Variants in FILIP1 observed in about 807,000 individuals in gnomAD.
FILIP1 encodes the protein filamin-A-interacting protein 1.
In FILIP1, 61 loss-of-function variants were observed where a neutral mutation model predicts 102.1. The observed-to-expected ratio is 0.60, with a 90% CI of 0.49 to 0.74. The LOEUF (loss-of-function observed/expected upper bound fraction) is 0.74, where lower values mean the gene tolerates loss of function less well. Ranked by LOEUF, FILIP1 falls within the 30% of genes least tolerant of loss-of-function variation. The probability of loss-of-function intolerance (pLI) is 0.00; values close to 1 mark genes in which losing one functional copy is unlikely to be tolerated. For synonymous variants in FILIP1, 491 were observed against 526.9 expected (o/e 0.93, Z 0.93); for missense variants, 1,314 against 1,441.2 (o/e 0.91, Z 1.43).
chr6:75,380,949 C>G (rs1373860452), intron 2 of FILIP1, among the ~76,000 whole-genome samples: 1 of 151,972 alleles, frequency 6.6e-6, no homozygotes, highest in Non-Finnish European at 1.5e-5. Context: ...TTAAATTTTC[C>G]TAAATCATTG....
chr6:75,477,433 A>G (rs1417553501), intron 1 of FILIP1, among the ~76,000 whole-genome samples: 1 of 152,208 alleles, frequency 6.6e-6, no homozygotes, highest in Non-Finnish European at 1.5e-5. Context: ...CAAATGTCTC[A>G]CTATAAAAAA....
intron 4 of FILIP1, among the ~76,000 whole-genome samples, chr6:75,316,342 CTTAT>C (rs1377994197): frequency 6.6e-6 from 1 of 152,154 alleles, no homozygotes; most frequent in Non-Finnish European, 1.5e-5. Context: ...ATGACATGCA[CTTAT>C]TTAAGTATAA....
At chr6:75,367,401 C>G (rs915992605) in intron 2 of FILIP1, 1 of 152,096 alleles carries the variant, frequency 6.6e-6, no homozygotes, top group African/African-American at 2.4e-5. Flanking sequence ...TTTGGGAGGC[C>G]GAGGCAGGTG....
chr6:75,362,854 G>C lies in FILIP1; in HGVS notation c.340C>G (p.His114Asp), dbSNP rs1453471133. Residue 114 changes from histidine (H) to aspartate (D), a missense_variant, in exon 3 of 6, where the codon CAT becomes GAT. Around this residue, in one of 3 missense-constraint regions of FILIP1, gnomAD observed 494 missense variants for 511.2 expected, o/e 0.97. Transcript: ENST00000237172. ...EKTKPEVLEA[H>D]YGSAEPEKVL... ...TTCTCTGGCTCCGCAGACCCGTAATGAGCCTCCAGAACCTCAGGCTTGGTT... is the reference window on the plus strand; with the variant it reads ...TTCTCTGGCTCCGCAGACCCGTAATCAGCCTCCAGAACCTCAGGCTTGGTT... 5 of 1,613,882 alleles carry C rather than the reference G, an allele frequency of 3.1e-6. No homozygotes were observed. The African/African-American group carries it at 6.7e-5, about 22-fold the overall frequency.
intron 1 of FILIP1, among the ~76,000 whole-genome samples, chr6:75,461,209 T>G (rs1426809426): frequency 6.6e-6 from 1 of 152,218 alleles, no homozygotes; most frequent in Non-Finnish European, 1.5e-5. Context: ...TCATCTTGCA[T>G]AATCATCAGA....
chr6:75,395,794 G>A (rs113565698), intron 2 of FILIP1, among the ~76,000 whole-genome samples: 20 of 152,204 alleles, frequency 1.3e-4, no homozygotes, highest in African/African-American at 4.6e-4. Flanking sequence ...AAAAGTTTCC[G>A]AACACCTGGA....
chr6:75,476,699 C>T (rs556108303), intron 1 of FILIP1, among the ~76,000 whole-genome samples: 3 of 152,158 alleles, frequency 2.0e-5, no homozygotes, highest in Non-Finnish European at 4.4e-5. Flanking sequence ...AATGAAGATT[C>T]TGGCCTTTTC....
chr6:75,442,747 A>AGAGGGAGAGGGAGAGGGG (rs1192327127), intron 1 of FILIP1, among the ~76,000 whole-genome samples: 4 of 147,272 alleles, frequency 2.7e-5, no homozygotes, highest in African/African-American at 9.9e-5. Flanking sequence ...GACCGTGGGG[A>AGAGGGAGAGGGAGAGGGG]GAGGGAGAGG....
chr6:75,413,612 C>G (rs1309250232), intron 2 of FILIP1, among the ~76,000 whole-genome samples: 2 of 152,004 alleles, frequency 1.3e-5, no homozygotes, highest in African/African-American at 4.8e-5. Flanking sequence ...CCAATTACCT[C>G]ACTAAAGCTA....
At position 75,414,891 on chromosome 6, in the gene FILIP1, C is replaced by G; in HGVS notation, c.82G>C (p.Gly28Arg). Residue 28 changes from glycine (G) to arginine (R), a missense_variant, in exon 2 of 6, where the codon GGT (glycine) becomes CGT (arginine). Coordinates refer to ENST00000237172, the MANE Select transcript of FILIP1 (RefSeq NM_015687.5). Reference protein sequence around the residue: ...CPKPSIIGNAGEKSLSEDAKK... With the variant: ...CPKPSIIGNAREKSLSEDAKK... ...GCATCTTCTGAGAGACTTTTTTCAC[C>G]AGCATTGCCGATGATGGAGGGCTTG... 6.2e-7 allele frequency: 1 copy of G among 1,613,810 alleles called. No homozygotes were observed. Among genetic ancestry groups the G allele is most frequent in the Non-Finnish European group, 8.5e-7 (1 of 1,179,856 alleles).
intron 4 of FILIP1, among the ~76,000 whole-genome samples, chr6:75,349,682 T>C (rs1774720082): frequency 1.3e-5 from 2 of 152,216 alleles, no homozygotes; most frequent in Admixed American, 1.3e-4. Context: ...CGTTTCCTTA[T>C]TAGCAGCAGT....
rs139696230 is a variant in FILIP1, at chr6:75,353,568, G to A, written c.600C>T (p.Phe200=). 4.8e-5 allele frequency: 78 copies of A among 1,614,190 alleles called. No homozygotes were observed. In the African/African-American group the frequency reaches 9.6e-4, roughly 20 times the overall value. The part of the protein sequence containing the change: ...HTDYMNKSDD[F]TNLLEQERER... ...CCCGCTCCTGCTCCAGCAGGTTGGT[G>A]AAGTCGTCGCTCTTGTTCATGTAGT... The change falls in exon 4 of 6, where the codon TTC becomes TTT. Residue 200 remains phenylalanine, a synonymous_variant. Transcript: ENST00000237172.
chr6:75,319,219 G>T (rs58347254), intron 4 of FILIP1: 3 of 748,818 alleles, frequency 4.0e-6, no homozygotes, highest in Non-Finnish European at 7.2e-6. Context: ...CTTCAGCTTC[G>T]CAGCCTTCTT....
intron 1 of FILIP1, among the ~76,000 whole-genome samples, chr6:75,441,892 C>T (rs1227157743): frequency 6.7e-6 from 1 of 149,460 alleles, no homozygotes; most frequent in African/African-American, 2.5e-5. Context: ...GGGTAGACCC[C>T]CCCACCTCCC....
intron 2 of FILIP1, among the ~76,000 whole-genome samples, chr6:75,377,413 A>T (rs2149635805): frequency 6.6e-6 from 1 of 152,288 alleles, no homozygotes; most frequent in Admixed American, 6.5e-5. Context: ...CACATTCAAA[A>T]ATTTTTTGAA....
chr6:75,341,830 G>A lies in FILIP1; in HGVS notation c.629+11709C>T, dbSNP rs567428085. Reference sequence around the variant, plus strand: ...ATAGAAGAGTTTACTTTTCCTACACGTTGCATTGTTCTCAAAATGTCTTAG... The same window carrying A: ...ATAGAAGAGTTTACTTTTCCTACACATTGCATTGTTCTCAAAATGTCTTAG... On this transcript the variant is annotated intron_variant, in intron 4 of 5. Coordinates refer to ENST00000237172, the MANE Select transcript of FILIP1 (RefSeq NM_015687.5). 1.5e-3 allele frequency among the ~76,000 whole-genome samples: 226 copies of A among 152,166 alleles called. 1 individual carries two copies. The highest frequency in any genetic ancestry group is 1.4e-3 in the Non-Finnish European group (97 of 68,018).
chr6:75,313,801 G>C lies in FILIP1; in HGVS notation c.2031C>G (p.Leu677=), dbSNP rs1562440779. ...GCTTGATCTCCTCTAGTTGTTGAGA[G>C]AGGAAGTTAGCCTTATCCTGCTCAG... is the stretch of plus-strand genomic sequence containing the variant. ...FRTEQDKANF[L]SQQLEEIKHQ... is the part of the protein sequence containing the mutation. Residue 677 remains leucine, a synonymous_variant, in exon 5 of 6, where the codon CTC becomes CTG. Coordinates refer to ENST00000237172, the MANE Select transcript of FILIP1 (RefSeq NM_015687.5). This position sits in a 1 kb window ranked among gnomAD's most constrained non-coding sequence, Gnocchi z 4.2. The C allele has an allele frequency of 6.2e-7, 1 of 1,610,248 alleles. No homozygotes were observed. The highest frequency in any genetic ancestry group is 8.5e-7 in the Non-Finnish European group (1 of 1,178,856).
rs73751106 is a variant in FILIP1, at chr6:75,303,032, G to A, written c.3493+5808C>T. Reference sequence around the variant, plus strand: ...ATGGTAGGGGAAATGGAGAGGAGGAGTCAGCTGCTAGAGATGTTAGTGGGT... The same window carrying A: ...ATGGTAGGGGAAATGGAGAGGAGGAATCAGCTGCTAGAGATGTTAGTGGGT... On this transcript the variant is annotated intron_variant, in intron 6 of 6. Transcript: ENST00000393004. Among the ~76,000 whole-genome samples, 977 of 152,220 alleles carry A rather than the reference G, an allele frequency of 6.4e-3. 9 individuals carry two copies. The highest frequency in any genetic ancestry group is 0.023 in the African/African-American group (937 of 41,520).
At chr6:75,449,242 A>G (rs1180273381) in intron 1 of FILIP1, among the ~76,000 whole-genome samples, 2 of 152,152 alleles carry the variant, frequency 1.3e-5, no homozygotes, top group Admixed American at 1.3e-4. Context: ...AAAACCAAAC[A>G]TCGTATGTTC....
Sources: allele counts gnomAD v4.1 joint callset (sites outside exome capture counted in the v4.1 genomes callset), GRCh38; gene constraint gnomAD v4.1.1; regional missense constraint gnomAD v4.1.1; non-coding constraint Gnocchi (gnomAD v3.1); transcripts MANE v1.5; gene names NCBI Gene and HGNC (gene_info 2026-07-23, HGNC 2026-07-21).